Variants in FXR1 observed in about 807,000 individuals in gnomAD.
FXR1 encodes RNA-binding protein FXR1.
FXR1 carries 15 observed loss-of-function variants against 84.0 expected under a neutral mutation model. The observed-to-expected ratio is 0.18, with a 90% CI of 0.12 to 0.27. The LOEUF (loss-of-function observed/expected upper bound fraction) is 0.27, where lower values mean the gene tolerates loss of function less well. Among genes scored for constraint, FXR1 ranks in the 10% least tolerant of loss-of-function variants. The pLI, the probability that FXR1 is intolerant of heterozygous loss-of-function variation, is 1.00. For synonymous variants in FXR1, 245 were observed against 250.7 expected (o/e 0.98, Z 0.21); for missense variants, 480 against 774.4 (o/e 0.62, Z 4.51).
intron 7 of FXR1, 98 bp downstream of exon 7, chr3:180,949,441 C>T: frequency 1.3e-6 from 1 of 745,682 alleles, no homozygotes; most frequent in Non-Finnish European, 2.4e-6. Flanking sequence ...GGCTAGAGTG[C>T]AGTGGCACAA....
At chr3:180,942,011 A>T (rs1013683747) in intron 3 of FXR1, among the ~76,000 whole-genome samples, 27 of 152,214 alleles carry the variant, frequency 1.8e-4, no homozygotes, top group African/African-American at 5.5e-4. Context: ...GGAAAAATGG[A>T]AATATAGTTA....
chr3:180,981,673 A>C lies in FXR1; in HGVS notation c.*5381A>C, dbSNP rs1264762141. On this transcript the variant is annotated 3_prime_UTR_variant, in exon 17 of 17. Transcript: ENST00000357559. ...ACTAATATGAACAGCAAATTGGAGA[A>C]GACACCAAGGACCTAATTTTAGTTT... 1.3e-5 allele frequency: 2 copies of C among 152,118 alleles called. No individual in the cohort carries two copies. Among genetic ancestry groups the C allele is most frequent in the Non-Finnish European group, 2.9e-5 (2 of 67,964 alleles). The allele number at this position is 152,118 out of a possible 1,614,324, so 9.4% of individuals were successfully genotyped here. A position where few individuals can be genotyped will look rare whatever the true frequency, so the allele number is the denominator to read the frequency against.
chr3:180,963,673 CTT>C (rs1339043348), intron 13 of FXR1, among the ~76,000 whole-genome samples: 1 of 152,174 alleles, frequency 6.6e-6, no homozygotes, highest in Admixed American at 6.5e-5. Context: ...TAATTTAACA[CTT>C]TATAAATGAA....
In FXR1 at chr3:180,951,199, G is replaced by C. The variant is rs1722204424; in HGVS notation, c.631-99G>C. ...GATCACGCCACTGCACCCTAGCCTT[G>C]GTGACAGAGTGAGACCCTGTCTGGA... is the stretch of plus-strand genomic sequence containing the variant. On this transcript the variant is annotated intron_variant, in intron 7 of 16. Transcript: ENST00000357559. 6 of 684,782 alleles carry C rather than the reference G, an allele frequency of 8.8e-6. No homozygotes were observed. In the South Asian group the frequency reaches 1.1e-4, roughly 12 times the overall value. 42.4% of individuals were successfully genotyped at this position (684,782 alleles called of 1,614,324 possible). A position where few individuals can be genotyped will look rare whatever the true frequency, so the allele number is the denominator to read the frequency against.
At chr3:180,966,538 CTT>C (rs1346237420) in intron 13 of FXR1, among the ~76,000 whole-genome samples, 1 of 152,166 alleles carries the variant, frequency 6.6e-6, no homozygotes, top group East Asian at 1.9e-4. Context: ...TGAAATCACT[CTT>C]ATCTGAGAGT....
intron 3 of FXR1, among the ~76,000 whole-genome samples, chr3:180,941,904 C>A (rs1466740081): frequency 6.6e-6 from 1 of 152,044 alleles, no homozygotes; most frequent in African/African-American, 2.4e-5. Flanking sequence ...ATGGCAGATA[C>A]ATAATAGCAG....
Position 180,947,826 on chromosome 3 carries a change from T to C in FXR1, c.199-39T>C, listed in dbSNP as rs115179679. 2,212 of 1,144,750 alleles carry C rather than the reference T, an allele frequency of 1.9e-3. 38 individuals are homozygous for C. The African/African-American group carries it at 0.03, about 16-fold the overall frequency. The allele number at this position is 1,144,750 out of a possible 1,614,324, so 70.9% of individuals were successfully genotyped here. A position where few individuals can be genotyped will look rare whatever the true frequency, so the allele number is the denominator to read the frequency against. On this transcript the variant is annotated intron_variant, in intron 3 of 16. Coordinates refer to ENST00000357559, the MANE Select transcript of FXR1 (RefSeq NM_005087.4). ...AAGTCATTTACAGCATTGAAATCTT[T>C]TGGGATGAATGGATATAGGCATTTT...
intron 10 of FXR1, among the ~76,000 whole-genome samples, chr3:180,960,202 A>G (rs929699458): frequency 3.3e-5 from 5 of 152,200 alleles, no homozygotes; most frequent in Non-Finnish European, 5.9e-5. Flanking sequence ...AGTCTGGCCT[A>G]ATACTTTGAT....
intron 2 of FXR1, 92 bp from the exon 3 acceptor site, chr3:180,935,046 A>G (rs2030344773): frequency 3.3e-6 from 2 of 613,880 alleles, no homozygotes; most frequent in Non-Finnish European, 5.9e-6. Flanking sequence ...CTTTAGGGAA[A>G]GCTAAATGAT....
chr3:180,950,857 G>A (rs576839142), intron 7 of FXR1, among the ~76,000 whole-genome samples: 2 of 152,168 alleles, frequency 1.3e-5, no homozygotes. Flanking sequence ...ATTGGTCTGT[G>A]GATTTGGGTT....
In FXR1 at chr3:180,926,502, A is replaced by ATT. The variant is rs200360717; in HGVS notation, c.52-6831_52-6830insTT. Among the ~76,000 whole-genome samples, 379 of 48,914 alleles carry ATT rather than the reference A, an allele frequency of 7.7e-3. 7 individuals are homozygous for ATT. Among genetic ancestry groups the ATT allele is most frequent in the South Asian group, 0.031 (40 of 1,270 alleles). The allele number at this position is 48,914 out of a possible 152,430, so 32.1% of individuals were successfully genotyped here. On this transcript the variant is annotated intron_variant, in intron 1 of 16. Coordinates refer to ENST00000357559, the MANE Select transcript of FXR1 (RefSeq NM_005087.4). The stretch of plus-strand genomic sequence containing the variant: ...TGTATATATATATATATATATATAT[A>ATT]TATATTTTTTTTTCTGGCCTTTTGT...
intron 15 of FXR1, among the ~76,000 whole-genome samples, chr3:180,973,881 C>T (rs1442641983): frequency 6.6e-6 from 1 of 151,990 alleles, no homozygotes; most frequent in Admixed American, 6.6e-5. Context: ...TTGTAAATAC[C>T]ATCCAGCTTT....
chr3:180,941,789 G>A (rs1269985262), intron 3 of FXR1, among the ~76,000 whole-genome samples: 4 of 152,162 alleles, frequency 2.6e-5, no homozygotes, highest in Non-Finnish European at 5.9e-5. Context: ...AGCCTTAAAG[G>A]TGAATGAGAT....
rs765066164 is a variant in FXR1 at position 180,942,377 on chromosome 3, C to CAAAAAAAAA, written c.199-5468_199-5460dup. Among the ~76,000 whole-genome samples, 53 of 31,122 alleles carry CAAAAAAAAA rather than the reference C, an allele frequency of 1.7e-3. 3 individuals are homozygous for CAAAAAAAAA. The highest frequency in any genetic ancestry group is 2.3e-3 in the African/African-American group (20 of 8,708). 20.4% of individuals were successfully genotyped at this position (31,122 alleles called of 152,430 possible). A position where few individuals can be genotyped will look rare whatever the true frequency, so the allele number is the denominator to read the frequency against. ...TGGGCGACAGAGCGAGACTCCGTCT[C>CAAAAAAAAA]AAAAAAAAAAAAAAAAAAAAAAAAA... On this transcript the variant is annotated intron_variant, in intron 3 of 16. Transcript: ENST00000357559.
chr3:180,973,040 C>G (rs543725682), intron 15 of FXR1, among the ~76,000 whole-genome samples: 1 of 152,332 alleles, frequency 6.6e-6, no homozygotes, highest in South Asian at 2.1e-4. Flanking sequence ...ACAATACACA[C>G]TGGTGTCCAG....
intron 3 of FXR1, among the ~76,000 whole-genome samples, chr3:180,942,337 C>G (rs1035339994): frequency 7.6e-6 from 1 of 131,394 alleles, no homozygotes; most frequent in African/African-American, 3.0e-5. Flanking sequence ...GAGATTGCGC[C>G]ACTGCACTCC....
At chr3:180,973,089 C>T (rs1017685940) in intron 15 of FXR1, among the ~76,000 whole-genome samples, 5 of 152,106 alleles carry the variant, frequency 3.3e-5, no homozygotes, top group South Asian at 2.1e-4. Flanking sequence ...TTCTAGAGTC[C>T]ATGTCATTAC....
At chr3:180,968,955 T>C (rs1205642826) in intron 14 of FXR1, among the ~76,000 whole-genome samples, 1 of 152,192 alleles carries the variant, frequency 6.6e-6, no homozygotes, top group African/African-American at 2.4e-5. Flanking sequence ...CTTTAACATA[T>C]CATTATGGTA....
chr3:180,946,345 A>G (rs530538604), intron 3 of FXR1, among the ~76,000 whole-genome samples: 1 of 152,334 alleles, frequency 6.6e-6, no homozygotes, highest in Admixed American at 6.5e-5. Flanking sequence ...ATGAAATTGT[A>G]AAGTGTTTCA....
Sources: allele counts gnomAD v4.1 joint callset (sites outside exome capture counted in the v4.1 genomes callset), GRCh38; gene constraint gnomAD v4.1.1; transcripts MANE v1.5; gene names NCBI Gene and HGNC (gene_info 2026-07-23, HGNC 2026-07-21).